The following ACSM1 variants were observed in gnomAD, a reference collection of about 807,000 sequenced individuals.
The protein encoded by ACSM1 is acyl-CoA synthetase medium chain family member 1, also known as acyl-coenzyme A synthetase ACSM1, mitochondrial.
Under a neutral mutation model 75.8 loss-of-function variants are expected in ACSM1, and 79 were observed. That is an observed-to-expected ratio of 1.04 (90% CI 0.87 to 1.26). The LOEUF is 1.26. Ranked by LOEUF, ACSM1 falls within the 50% of genes most tolerant of loss-of-function variation. ACSM1 has a pLI of 0.00. For missense variants in ACSM1, 676 were observed against 720.1 expected (o/e 0.94, Z 0.70); for synonymous variants, 279 against 265.8 (o/e 1.05, Z -0.48).
intron 4 of ACSM1, among the ~76,000 whole-genome samples, chr16:20,673,764 T>C (rs183505998): frequency 2.6e-4 from 39 of 152,328 alleles, no homozygotes; most frequent in African/African-American, 8.4e-4. Context: ...TTTTAACCTT[T>C]CATTCAACTA....
chr16:20,661,387 T>C (rs2019290930), intron 7 of ACSM1, among the ~76,000 whole-genome samples: 1 of 152,150 alleles, frequency 6.6e-6, no homozygotes, highest in South Asian at 2.1e-4. Flanking sequence ...AAGTAAGGAA[T>C]TAACAACATA....
At chr16:20,628,266 A>G (rs924315778) in intron 10 of ACSM1, among the ~76,000 whole-genome samples, 6 of 152,098 alleles carry the variant, frequency 3.9e-5, no homozygotes, top group Admixed American at 1.3e-4. Flanking sequence ...ACTGACCTTG[A>G]TACAATCCAC....
rs746098308 is a variant in ACSM1 at position 20,665,665 on chromosome 16, T to C, written c.913-3792A>G. Among the ~76,000 whole-genome samples, 20 of 152,182 alleles carry C rather than the reference T, an allele frequency of 1.3e-4. No homozygotes were observed. In the South Asian group the frequency reaches 2.5e-3, roughly 19 times the overall value. ...CCAGAATGCTTTTGGCACCAAAATA[T>C]GGCAGAGATACAATGACAAAAGAAA... On this transcript the variant is annotated intron_variant, in intron 6 of 13. Coordinates refer to ENST00000520010, the MANE Select transcript of ACSM1 (RefSeq NM_001318890.3).
At chr16:20,634,853 T>G (rs971574107) in intron 10 of ACSM1, among the ~76,000 whole-genome samples, 3 of 152,196 alleles carry the variant, frequency 2.0e-5, no homozygotes, top group Non-Finnish European at 2.9e-5. Flanking sequence ...TTATGTTACA[T>G]TTTATATAAA....
intron 7 of ACSM1, among the ~76,000 whole-genome samples, chr16:20,646,430 A>T (rs2018365163): frequency 6.6e-6 from 1 of 152,036 alleles, no homozygotes; most frequent in African/African-American, 2.4e-5. Flanking sequence ...CCATGCCATC[A>T]CCCTCCCTAG....
At chr16:20,627,775 G>A (rs2017041904) in intron 10 of ACSM1, among the ~76,000 whole-genome samples, 1 of 150,812 alleles carries the variant, frequency 6.6e-6, no homozygotes, top group Admixed American at 6.6e-5. Context: ...GTTGCAGTGA[G>A]CCAAGATCGC....
At chr16:20,642,203 G>C (rs985715046) in intron 7 of ACSM1, among the ~76,000 whole-genome samples, 2 of 152,196 alleles carry the variant, frequency 1.3e-5, no homozygotes, top group Admixed American at 6.5e-5. Context: ...TTAAACAGAT[G>C]ATGAGGCAGA....
At chr16:20,643,029 C>T (rs1236901209) in intron 7 of ACSM1, among the ~76,000 whole-genome samples, 5 of 152,204 alleles carry the variant, frequency 3.3e-5, no homozygotes, top group African/African-American at 1.2e-4. Context: ...GAGTTCTGCT[C>T]ATGGCCCCAG....
intron 7 of ACSM1, among the ~76,000 whole-genome samples, chr16:20,643,277 C>A (rs563284345): frequency 2.6e-5 from 4 of 152,160 alleles, no homozygotes; most frequent in African/African-American, 9.7e-5. Context: ...TATTTAGCCC[C>A]GAATTCTAAG....
chr16:20,669,743 T>C, intron 6 of ACSM1, 84 bp downstream of exon 6: 1 of 1,431,116 alleles, frequency 7.0e-7, no homozygotes, highest in East Asian at 2.3e-5. Context: ...CTTCTTTGCT[T>C]AATAAAATAT....
chr16:20,634,415 C>T (rs2017531080), intron 10 of ACSM1, among the ~76,000 whole-genome samples: 1 of 152,142 alleles, frequency 6.6e-6, no homozygotes, highest in Admixed American at 6.6e-5. Flanking sequence ...AAGCAACATT[C>T]TCAATAAGCA....
chr16:20,677,656 T>C (rs1344978912), intron 4 of ACSM1, among the ~76,000 whole-genome samples: 1 of 152,172 alleles, frequency 6.6e-6, no homozygotes, highest in Non-Finnish European at 1.5e-5. Flanking sequence ...AGCAGTTTCA[T>C]ACGAAAGGGA....
At chr16:20,654,984 A>G (rs2018867385) in intron 7 of ACSM1, among the ~76,000 whole-genome samples, 1 of 152,116 alleles carries the variant, frequency 6.6e-6, no homozygotes, top group Admixed American at 6.6e-5. Flanking sequence ...AATAGCAAAG[A>G]CTTGGAACCA....
At chr16:20,659,423 C>A (rs539080541) in intron 7 of ACSM1, among the ~76,000 whole-genome samples, 3 of 152,234 alleles carry the variant, frequency 2.0e-5, no homozygotes, top group African/African-American at 7.2e-5. Flanking sequence ...CTGATTTTTA[C>A]AATCTTGCCC....
intron 7 of ACSM1, among the ~76,000 whole-genome samples, chr16:20,642,537 T>C (rs2018123560): frequency 6.6e-6 from 1 of 152,220 alleles, no homozygotes; most frequent in South Asian, 2.1e-4. Flanking sequence ...CCCATAACTA[T>C]AATCCAGCAG....
intron 4 of ACSM1, chr16:20,680,868 TA>T (rs1351553186): frequency 6.6e-6 from 1 of 152,238 alleles, no homozygotes; most frequent in African/African-American, 2.4e-5. Flanking sequence ...AACTGCCAGC[TA>T]AATGGACAGG....
At chr16:20,670,129 C>T in intron 5 of ACSM1, 143 bp from the exon 6 acceptor site, 3 of 767,414 alleles carry the variant, frequency 3.9e-6, no homozygotes, top group Admixed American at 5.4e-5. Context: ...ACCCTCAGGC[C>T]AGGTCTCAAA....
chr16:20,674,331 T>C (rs1490605741), intron 4 of ACSM1, among the ~76,000 whole-genome samples: 1 of 152,198 alleles, frequency 6.6e-6, no homozygotes, highest in Non-Finnish European at 1.5e-5. Context: ...TAAACCCAAG[T>C]TGCAAAACAT....
intron 7 of ACSM1, among the ~76,000 whole-genome samples, chr16:20,650,769 A>G (rs1416846630): frequency 1.3e-5 from 2 of 152,170 alleles, no homozygotes; most frequent in Admixed American, 1.3e-4. Flanking sequence ...TGGCACCTCC[A>G]CTTGCCAGAG....
Sources: allele counts gnomAD v4.1 joint callset (sites outside exome capture counted in the v4.1 genomes callset), GRCh38; gene constraint gnomAD v4.1.1; transcripts MANE v1.5; gene names NCBI Gene and HGNC (gene_info 2026-07-23, HGNC 2026-07-21).